Variants in DAB1 observed in about 807,000 individuals in gnomAD.
The protein encoded by DAB1 is DAB adaptor protein 1.
DAB1 carries 15 observed loss-of-function variants against 64.6 expected under a neutral mutation model. The observed-to-expected ratio is 0.23, with a 90% CI of 0.16 to 0.36. The LOEUF is 0.36. Among genes scored for constraint, DAB1 ranks in the 10% least tolerant of loss-of-function variants. The pLI is 1.00. For missense variants in DAB1, 596 were observed against 706.7 expected, an observed-to-expected ratio of 0.84 and a Z score of 1.78; for synonymous variants, 235 against 251.9, an observed-to-expected ratio of 0.93 and a Z score of 0.64.
intron 7 of DAB1, among the ~76,000 whole-genome samples, chr1:57,539,636 T>C (rs1524717): frequency 0.9 from 137,106 of 152,204 alleles, 63,471 homozygotes; most frequent in East Asian, 1. Flanking sequence ...TAAAATTACT[T>C]GCTTTATTTT....
At chr1:57,695,273 GAAGGAAGGAAGA>G (rs1646811662) in intron 6 of DAB1, among the ~76,000 whole-genome samples, 1 of 76,426 alleles carries the variant, frequency 1.3e-5, no homozygotes, top group African/African-American at 5.2e-5. Flanking sequence ...AGGAAGGAAG[GAAGGAAGGAAGA>G]AAGGGAGAGA....
intron 7 of DAB1, among the ~76,000 whole-genome samples, chr1:57,613,099 T>C (rs1570674278): frequency 6.6e-6 from 1 of 152,358 alleles, no homozygotes; most frequent in South Asian, 2.1e-4. Flanking sequence ...GTTGATAATG[T>C]CATAGTTAAA....
chr1:58,159,335 G>A (rs187876160), intron 4 of DAB1, among the ~76,000 whole-genome samples: 237 of 152,274 alleles, frequency 1.6e-3, no homozygotes, highest in African/African-American at 5.4e-3. Context: ...GAATCCCATC[G>A]AGTTTATCCA....
intron 7 of DAB1, among the ~76,000 whole-genome samples, chr1:57,462,378 A>T (rs561046711): frequency 5.9e-5 from 9 of 152,294 alleles, no homozygotes; most frequent in African/African-American, 2.2e-4. Flanking sequence ...ATCCATAAAA[A>T]ATATTGAAAG....
At chr1:57,818,772 A>C (rs1651984806) in intron 6 of DAB1, among the ~76,000 whole-genome samples, 1 of 149,514 alleles carries the variant, frequency 6.7e-6, no homozygotes, top group Admixed American at 6.7e-5. Flanking sequence ...ATATATATAT[A>C]ATATTTATTT....
chr1:58,545,478 G>A (rs1281385088), intron 1 of DAB1, among the ~76,000 whole-genome samples: 1 of 150,614 alleles, frequency 6.6e-6, no homozygotes, highest in Non-Finnish European at 1.5e-5. Flanking sequence ...GCATTTTCAA[G>A]GAGCCAATCA....
At chr1:57,944,069 T>A (rs1352500464) in intron 5 of DAB1, among the ~76,000 whole-genome samples, 1 of 152,162 alleles carries the variant, frequency 6.6e-6, no homozygotes, top group African/African-American at 2.4e-5. Context: ...CTCACATGGT[T>A]TCTATTCACT....
intron 1 of DAB1, chr1:58,534,240 T>C (rs1026493303): frequency 3.4e-6 from 3 of 871,902 alleles, no homozygotes; most frequent in Non-Finnish European, 6.0e-6. Flanking sequence ...AACATCTTTA[T>C]TGCATTCAAT....
intron 3 of DAB1, among the ~76,000 whole-genome samples, chr1:58,466,102 C>G (rs1264629326): frequency 2.6e-5 from 4 of 152,116 alleles, no homozygotes; most frequent in Non-Finnish European, 5.9e-5. Context: ...CTAGCACAAA[C>G]GCTGTGTCCT....
At chr1:58,034,008 TTG>T (rs1476505165) in intron 5 of DAB1, among the ~76,000 whole-genome samples, 1 of 152,176 alleles carries the variant, frequency 6.6e-6, no homozygotes, top group Non-Finnish European at 1.5e-5. Flanking sequence ...CACCTGGTAT[TTG>T]TGTCATGACA....
intron 4 of DAB1, among the ~76,000 whole-genome samples, chr1:57,134,378 G>A (rs1459076316): frequency 2.6e-5 from 4 of 151,984 alleles, no homozygotes; most frequent in African/African-American, 7.2e-5. Context: ...CTGAGGTCAG[G>A]AGTTCGAGAC....
intron 9 of DAB1, among the ~76,000 whole-genome samples, chr1:57,031,810 G>A (rs1328152026): frequency 6.6e-6 from 1 of 152,228 alleles, no homozygotes; most frequent in Non-Finnish European, 1.5e-5. Context: ...ATTTGCCAGA[G>A]AGTAAGGCCC....
intron 5 of DAB1, among the ~76,000 whole-genome samples, chr1:58,147,152 C>T (rs567076914): frequency 3.3e-5 from 5 of 151,774 alleles, no homozygotes; most frequent in African/African-American, 1.2e-4. Flanking sequence ...ACTAAAAATA[C>T]AAAAATTAGC....
intron 7 of DAB1, among the ~76,000 whole-genome samples, chr1:57,439,969 C>G (rs549697364): frequency 2.6e-5 from 4 of 152,186 alleles, no homozygotes; most frequent in Non-Finnish European, 4.4e-5. Flanking sequence ...TGATGTTCTT[C>G]CAAAAACATA....
At chr1:57,890,887 C>T (rs2101982144) in intron 5 of DAB1, among the ~76,000 whole-genome samples, 1 of 152,292 alleles carries the variant, frequency 6.6e-6, no homozygotes, top group Non-Finnish European at 1.5e-5. Context: ...TCTCTGAACA[C>T]ACTGTGCATT....
intron 3 of DAB1, among the ~76,000 whole-genome samples, chr1:58,475,143 AATTAG>A (rs1202515368): frequency 2.6e-5 from 4 of 152,138 alleles, no homozygotes; most frequent in Admixed American, 6.5e-5. Context: ...GGATTAATAG[AATTAG>A]ATTAATTATT....
At chr1:57,612,874 A>T (rs532930861) in intron 7 of DAB1, among the ~76,000 whole-genome samples, 2 of 152,276 alleles carry the variant, frequency 1.3e-5, no homozygotes, top group African/African-American at 4.8e-5. Flanking sequence ...GGAGGCATTA[A>T]AAAAAGGATT....
intron 3 of DAB1, among the ~76,000 whole-genome samples, chr1:58,381,922 C>A (rs1355580505): frequency 6.6e-6 from 1 of 151,986 alleles, no homozygotes. Context: ...ATGACACCAT[C>A]AAAGAAGTGA....
At chr1:57,743,447 T>C (rs1057502401) in intron 6 of DAB1, among the ~76,000 whole-genome samples, 4 of 152,226 alleles carry the variant, frequency 2.6e-5, no homozygotes, top group Non-Finnish European at 4.4e-5. Flanking sequence ...TGATAATCCA[T>C]CACCCTTTGC....
Sources: allele counts gnomAD v4.1 joint callset (sites outside exome capture counted in the v4.1 genomes callset), GRCh38; gene constraint gnomAD v4.1.1; transcripts MANE v1.5; gene names NCBI Gene and HGNC (gene_info 2026-07-23, HGNC 2026-07-21).